Variants in TMEM91 observed in about 807,000 individuals in gnomAD.
The protein encoded by TMEM91 is dispanin subfamily C member 3.
A neutral mutation model predicts 13.3 loss-of-function variants in TMEM91; 6 were observed. The observed-to-expected ratio is 0.45, with a 90% CI of 0.25 to 0.89. The LOEUF (loss-of-function observed/expected upper bound fraction) is 0.89. TMEM91 is among the 40% of genes least tolerant of loss of function. The probability of loss-of-function intolerance (pLI) is 0.19; values close to 1 mark genes in which losing one functional copy is unlikely to be tolerated. For missense variants in TMEM91, 193 were observed against 228.7 expected (o/e 0.84, Z 1.01); for synonymous variants, 87 against 101.7 (o/e 0.86, Z 0.87).
At chr19:41,377,410 G>GT (rs967396673) in intron 1 of TMEM91, 1 of 152,508 alleles carries the variant, frequency 6.6e-6, no homozygotes, top group Non-Finnish European at 1.5e-5. Flanking sequence ...GGAGATGAAT[G>GT]TGTGGAGGTG....
Position 41,384,011 on chromosome 19 carries a change from C to T in TMEM91, c.*138C>T. 2 of 1,403,832 alleles carry T rather than the reference C, an allele frequency of 1.4e-6. No homozygotes were observed. The highest frequency in any genetic ancestry group is 1.9e-6 in the Non-Finnish European group (2 of 1,066,220). The allele number at this position is 1,403,832 out of a possible 1,614,324, so 87.0% of individuals were successfully genotyped here. A position where few individuals can be genotyped will look rare whatever the true frequency, so the allele number is the denominator to read the frequency against. On this transcript the variant is annotated 3_prime_UTR_variant, in exon 4 of 4. Transcript: ENST00000392002. ...AACGGGAGCGAGCTGGACTGGAACCCTTCCCCTTCCTGGCCACCGCTCTTC... is the reference window on the plus strand; with the variant it reads ...AACGGGAGCGAGCTGGACTGGAACCTTTCCCCTTCCTGGCCACCGCTCTTC...
chr19:41,365,934 C>G (rs927793894), intron 1 of TMEM91, among the ~76,000 whole-genome samples: 4 of 151,872 alleles, frequency 2.6e-5, no homozygotes, highest in African/African-American at 9.7e-5. Context: ...TGGTCTCGAA[C>G]TCCTGGCCTC....
intron 1 of TMEM91, among the ~76,000 whole-genome samples, chr19:41,371,425 TTCTC>T (rs1232770343): frequency 1.0e-5 from 1 of 99,758 alleles, no homozygotes; most frequent in African/African-American, 4.2e-5. Flanking sequence ...CTCTCTCTCT[TTCTC>T]TCTCTCTTTC....
At chr19:41,365,590 A>T (rs1486677826) in intron 1 of TMEM91, among the ~76,000 whole-genome samples, 3 of 151,526 alleles carry the variant, frequency 2.0e-5, no homozygotes, top group Non-Finnish European at 4.4e-5. Flanking sequence ...TTTTTAGTAG[A>T]GACGGGTTTT....
chr19:41,381,394 T>C, intron 2 of TMEM91, among the ~76,000 whole-genome samples: 1 of 140,844 alleles, frequency 7.1e-6, no homozygotes, highest in African/African-American at 2.7e-5. Context: ...GGAGTCTCAC[T>C]CTGTCGCCCA....
chr19:41,367,818 A>G (rs933201487), intron 1 of TMEM91, among the ~76,000 whole-genome samples: 2 of 152,036 alleles, frequency 1.3e-5, no homozygotes, highest in African/African-American at 4.8e-5. Flanking sequence ...TTTTTTCTGT[A>G]GAGACATGGT....
At chr19:41,382,585 G>T (rs1474350549) in intron 2 of TMEM91, among the ~76,000 whole-genome samples, 187 bp from the exon 3 acceptor site, 1 of 152,156 alleles carries the variant, frequency 6.6e-6, no homozygotes, top group Non-Finnish European at 1.5e-5. Context: ...TTGTACCCCA[G>T]CCTGGGTGAC....
At chr19:41,383,653 A>C (rs1262471253) in intron 3 of TMEM91, 62 bp from the exon 4 acceptor site, 1 of 1,613,578 alleles carries the variant, frequency 6.2e-7, no homozygotes, top group Non-Finnish European at 8.5e-7. Context: ...TGGGGGAGGG[A>C]CCAGGGGAAG....
chr19:41,371,318 C>CTTCCTTCT (rs2038614403), intron 1 of TMEM91, among the ~76,000 whole-genome samples: 2 of 126,400 alleles, frequency 1.6e-5, no homozygotes, highest in Non-Finnish European at 3.4e-5. Flanking sequence ...CCTCTCCTTC[C>CTTCCTTCT]TTCCTTCCTT....
chr19:41,378,510 T>A lies in TMEM91; in HGVS notation c.201T>A (p.Pro67=). 6.2e-7 allele frequency: 1 copy of A among 1,613,972 alleles called. No individual in the cohort carries two copies. Among genetic ancestry groups the A allele is most frequent in the Non-Finnish European group, 8.5e-7 (1 of 1,179,964 alleles). The change falls in exon 2 of 4, where the codon CCT becomes CCA. Residue 67 remains proline, a synonymous_variant. Transcript: ENST00000392002. ...CTGGCCTGGGGGAACCAAGGCCCCC[T>A]GATGTTGAGGTAGGAAACAGCAGGC... ...VSAGLGEPRP[P]DVEDMSSSDS... is the part of the protein sequence containing the mutation.
chr19:41,367,079 T>G (rs1196737697), intron 1 of TMEM91, among the ~76,000 whole-genome samples: 1 of 151,896 alleles, frequency 6.6e-6, no homozygotes, highest in Non-Finnish European at 1.5e-5. Context: ...AGGCAGCAGT[T>G]GCAGTGAGCC....
At chr19:41,376,300 C>G (rs1458415929), upstream of TMEM91, 1 of 152,206 alleles carries the variant, frequency 6.6e-6, no homozygotes, top group Non-Finnish European at 1.5e-5. Context: ...AGGCAATTTA[C>G]CTAACCTCGG....
Position 41,383,961 on chromosome 19 carries a change from T to TGCG in TMEM91, c.*97_*99dup. ...AGTGGAGAATCTTGGTGGATGAGGC[T>TGCG]GCGGCGGCGGCAGGAGCATCTAGAA... On this transcript the variant is annotated 3_prime_UTR_variant, in exon 4 of 4. Coordinates refer to ENST00000392002, the MANE Select transcript of TMEM91 (RefSeq NM_001098821.2). 1 of 1,533,120 alleles carries TGCG rather than the reference T, an allele frequency of 6.5e-7. No homozygotes were observed. The highest frequency in any genetic ancestry group is 8.7e-7 in the Non-Finnish European group (1 of 1,147,286). 95.0% of individuals were successfully genotyped at this position (1,533,120 alleles called of 1,614,324 possible). A position where few individuals can be genotyped will look rare whatever the true frequency, so the allele number is the denominator to read the frequency against.
At chr19:41,378,035 C>CA (rs11449744) in intron 1 of TMEM91, among the ~76,000 whole-genome samples, 60,404 of 101,510 alleles carry the variant, frequency 0.6, 16,024 homozygotes, top group Middle Eastern at 0.61. Flanking sequence ...GACTTTGTCT[C>CA]AAAAAAAAAA....
chr19:41,381,148 A>G (rs1433944307), intron 2 of TMEM91, among the ~76,000 whole-genome samples: 1 of 150,676 alleles, frequency 6.6e-6, no homozygotes, highest in African/African-American at 2.4e-5. Context: ...GGTTTGCCCT[A>G]ATCATTTAGG....
chr19:41,371,381 CCTTCTTTCCTT>C (rs1376223045), intron 1 of TMEM91, among the ~76,000 whole-genome samples: 2 of 148,806 alleles, frequency 1.3e-5, no homozygotes, highest in African/African-American at 5.0e-5. Context: ...TTCCTTCCTT[CCTTCTTTCCTT>C]CCTCCCTCCC....
chr19:41,379,360 C>T (rs969677039), intron 2 of TMEM91, among the ~76,000 whole-genome samples: 1 of 148,090 alleles, frequency 6.8e-6, no homozygotes, highest in Non-Finnish European at 1.5e-5. Flanking sequence ...TTAGAAAGAC[C>T]CCATCTTAAA....
intron 1 of TMEM91, among the ~76,000 whole-genome samples, 177 bp from the exon 2 acceptor site, chr19:41,378,104 C>T (rs2038770201): frequency 6.6e-6 from 1 of 151,370 alleles, no homozygotes. Context: ...CCTGAGTTCT[C>T]TTCATAACCT....
chr19:41,382,820 C>G lies in TMEM91; in HGVS notation c.259C>G (p.Leu87Val). Residue 87 changes from leucine (L) to valine (V), a missense_variant, in exon 3 of 4, where the codon CTT becomes GTT. Transcript: ENST00000392002. ...SDSDWDGGSR[L>V]SPFLPHDHLG... The stretch of plus-strand genomic sequence containing the variant: ...CTCGGACTGGGATGGAGGCAGCCGT[C>G]TTTCACCATTTCTACCCCACGACCA... 6.2e-7 allele frequency: 1 copy of G among 1,614,222 alleles called. No individual in the cohort carries two copies. The highest frequency in any genetic ancestry group is 8.5e-7 in the Non-Finnish European group (1 of 1,180,040).
Sources: allele counts gnomAD v4.1 joint callset (sites outside exome capture counted in the v4.1 genomes callset), GRCh38; gene constraint gnomAD v4.1.1; transcripts MANE v1.5; gene names NCBI Gene and HGNC (gene_info 2026-07-23, HGNC 2026-07-21).